Variants in RPS6KC1 observed in about 807,000 individuals in gnomAD.
RPS6KC1 encodes inactive ribosomal protein S6 kinase delta-1.
Under a neutral mutation model 103.8 loss-of-function variants are expected in RPS6KC1, and 54 were observed. The observed-to-expected ratio is 0.52, with a 90% CI of 0.42 to 0.65. RPS6KC1 has a LOEUF of 0.65. Among genes scored for constraint, RPS6KC1 ranks in the 30% least tolerant of loss-of-function variants. RPS6KC1 has a pLI of 0.00. For missense variants in RPS6KC1, 1,151 were observed against 1,253.8 expected, an observed-to-expected ratio of 0.92 and a Z score of 1.24; for synonymous variants, 439 against 438.7, an observed-to-expected ratio of 1.00 and a Z score of -0.01.
the RPS6KC1 span, among the ~76,000 whole-genome samples, chr1:213,587,254 C>T: frequency 6.6e-6 from 1 of 151,098 alleles, no homozygotes; most frequent in Non-Finnish European, 1.5e-5. Flanking sequence ...GGCCAGAGAC[C>T]CAAAGGGAAA....
At chr1:213,491,110 G>A in the RPS6KC1 span, among the ~76,000 whole-genome samples, 2 of 152,250 alleles carry the variant, frequency 1.3e-5, no homozygotes, top group East Asian at 3.9e-4. Context: ...TAGGCACTGA[G>A]GGCAGTTGTT....
the RPS6KC1 span, among the ~76,000 whole-genome samples, chr1:213,801,323 A>G: frequency 6.6e-6 from 1 of 152,204 alleles, no homozygotes; most frequent in Non-Finnish European, 1.5e-5. Context: ...ATTTCAGTTT[A>G]TCTTCCCTTT....
chr1:213,429,760 C>T, the RPS6KC1 span, among the ~76,000 whole-genome samples: 1 of 152,194 alleles, frequency 6.6e-6, no homozygotes, highest in Admixed American at 6.5e-5. Context: ...GGTCTTTCCC[C>T]AGACGGAATG....
At chr1:213,084,523 A>G (rs1236873287) in intron 3 of RPS6KC1, among the ~76,000 whole-genome samples, 2 of 152,206 alleles carry the variant, frequency 1.3e-5, no homozygotes, top group African/African-American at 2.4e-5. Context: ...AAGAATAGGG[A>G]TATTGTATTA....
At chr1:213,671,426 A>G in the RPS6KC1 span, among the ~76,000 whole-genome samples, 1 of 152,172 alleles carries the variant, frequency 6.6e-6, no homozygotes, top group African/African-American at 2.4e-5. Context: ...AGTTTCAGTT[A>G]CACAGGAGGA....
chr1:213,117,386 A>G lies in RPS6KC1; in HGVS notation c.448A>G (p.Thr150Ala), dbSNP rs1236488222. 2.5e-6 allele frequency: 4 copies of G among 1,608,100 alleles called. No homozygotes were observed. The highest frequency in any genetic ancestry group is 3.4e-6 in the Non-Finnish European group (4 of 1,175,206). The change falls in exon 5 of 15, where the codon ACC becomes GCC. Residue 150 changes from threonine (T) to alanine (A), a missense_variant. By Grantham distance (58) the Thr-to-Ala change is moderately conservative. Transcript: ENST00000366960. The stretch of plus-strand genomic sequence containing the variant: ...AGCTCACTCAGATTCCCTCATTGAT[A>G]CCTTTCCTGAGTGTAGTACGGAAGG... The part of the protein sequence containing the change: ...AEAHSDSLID[T>A]FPECSTEGFS...
At chr1:213,759,298 T>C in the RPS6KC1 span, among the ~76,000 whole-genome samples, 1 of 152,230 alleles carries the variant, frequency 6.6e-6, no homozygotes, top group Non-Finnish European at 1.5e-5. Flanking sequence ...ATTGCACACT[T>C]AATAGACTAC....
chr1:213,434,191 T>C, the RPS6KC1 span, among the ~76,000 whole-genome samples: 1 of 152,138 alleles, frequency 6.6e-6, no homozygotes, highest in Non-Finnish European at 1.5e-5. Flanking sequence ...CCATCTGGTA[T>C]CACTTTCCTT....
the RPS6KC1 span, among the ~76,000 whole-genome samples, chr1:213,549,933 C>T: frequency 6.6e-6 from 1 of 151,912 alleles, no homozygotes; most frequent in East Asian, 1.9e-4. Context: ...TCTACTTAAG[C>T]TTCTAGGGTA....
At chr1:213,167,819 G>A in intron 6 of RPS6KC1, 39 bp from the exon 7 acceptor site, 1 of 1,392,178 alleles carries the variant, frequency 7.2e-7, no homozygotes. Context: ...TTGAACTGAG[G>A]AAAATTTATT....
chr1:213,135,314 T>C (rs983173991), intron 6 of RPS6KC1, among the ~76,000 whole-genome samples: 1 of 152,164 alleles, frequency 6.6e-6, no homozygotes, highest in African/African-American at 2.4e-5. Flanking sequence ...CAGTTGTGCC[T>C]TTTGGTATCT....
At chr1:213,757,234 G>A in the RPS6KC1 span, among the ~76,000 whole-genome samples, 3 of 152,170 alleles carry the variant, frequency 2.0e-5, no homozygotes, top group Non-Finnish European at 4.4e-5. Flanking sequence ...AGTGAGGAAG[G>A]CATGTCAAAA....
chr1:213,823,834 AC>A, the RPS6KC1 span, among the ~76,000 whole-genome samples: 26 of 152,170 alleles, frequency 1.7e-4, no homozygotes, highest in African/African-American at 4.3e-4. Context: ...ACTGTTCTAA[AC>A]TTTTTACATA....
chr1:213,187,038 C>A (rs2092561026), intron 8 of RPS6KC1, among the ~76,000 whole-genome samples: 1 of 152,092 alleles, frequency 6.6e-6, no homozygotes, highest in Non-Finnish European at 1.5e-5. Flanking sequence ...TCCGGAGTAA[C>A]TGGGACCACA....
At chr1:213,500,482 A>G in the RPS6KC1 span, among the ~76,000 whole-genome samples, 2 of 152,244 alleles carry the variant, frequency 1.3e-5, no homozygotes, top group Admixed American at 1.3e-4. Flanking sequence ...AATAGTGATA[A>G]AAAGAATAGG....
chr1:213,663,854 C>T, the RPS6KC1 span, among the ~76,000 whole-genome samples: 10 of 152,152 alleles, frequency 6.6e-5, no homozygotes, highest in African/African-American at 2.4e-4. Context: ...GCCAGGCATC[C>T]CTCCTTCCCA....
the RPS6KC1 span, among the ~76,000 whole-genome samples, chr1:213,732,348 A>AGTGT: frequency 0.013 from 1,011 of 79,110 alleles, 6 homozygotes; most frequent in African/African-American, 0.024. Flanking sequence ...TGTATGTATG[A>AGTGT]GTGTGCGTGT....
At chr1:213,455,605 T>C in the RPS6KC1 span, among the ~76,000 whole-genome samples, 1 of 152,064 alleles carries the variant, frequency 6.6e-6, no homozygotes, top group Non-Finnish European at 1.5e-5. Flanking sequence ...GTCCTTCTCA[T>C]ATAGAAGGTG....
At chr1:213,633,907 A>AAAAAAAAAAAAAAAG in the RPS6KC1 span, among the ~76,000 whole-genome samples, 1 of 123,388 alleles carries the variant, frequency 8.1e-6, no homozygotes. Context: ...AAAAAAAAAA[A>AAAAAAAAAAAAAAAG]AAAAAAGCAG....
Sources: gnomAD v4.1 joint callset for allele counts (sites outside exome capture counted in the v4.1 genomes callset) on GRCh38, gnomAD v4.1.1 for gene constraint, MANE v1.5 for transcripts, NCBI Gene and HGNC (gene_info 2026-07-23, HGNC 2026-07-21) for gene names.